PCDH15: variants seen among roughly 807,000 people sequenced by gnomAD.
The protein encoded by PCDH15 is protocadherin related 15.
A neutral mutation model predicts 178.5 loss-of-function variants in PCDH15; 129 were observed. That is an observed-to-expected ratio of 0.72 (90% confidence interval 0.63 to 0.84). PCDH15 has a LOEUF of 0.84. Among genes scored for constraint, PCDH15 ranks in the 40% least tolerant of loss-of-function variants. PCDH15 has a pLI of 0.00. For synonymous variants in PCDH15, 800 were observed against 732.0 expected (o/e 1.09, Z -1.50); for missense variants, 2,230 against 2,099.9 (o/e 1.06, Z -1.21).
chr10:54,783,616 T>G (rs568048684), intron 1 of PCDH15, among the ~76,000 whole-genome samples: 8 of 152,138 alleles, frequency 5.3e-5, no homozygotes, highest in Non-Finnish European at 8.8e-5. Context: ...CAGAGAGATA[T>G]GGACTTCCAG....
intron 2 of PCDH15, among the ~76,000 whole-genome samples, chr10:54,532,558 C>T (rs2084036798): frequency 1.3e-5 from 2 of 152,122 alleles, no homozygotes; most frequent in African/African-American, 4.8e-5. Context: ...GCAGATTTTC[C>T]TGGCACATTT....
At chr10:53,958,837 G>C (rs1008690737) in intron 23 of PCDH15, among the ~76,000 whole-genome samples, 1 of 151,812 alleles carries the variant, frequency 6.6e-6, no homozygotes, top group Non-Finnish European at 1.5e-5. Flanking sequence ...AAATTAGCCA[G>C]GCATGGTGGT....
At chr10:53,955,252 T>C (rs1158125096) in intron 23 of PCDH15, among the ~76,000 whole-genome samples, 2 of 152,108 alleles carry the variant, frequency 1.3e-5, no homozygotes, top group East Asian at 1.9e-4. Context: ...TGAAATAGAG[T>C]GTTGAAGATG....
At chr10:55,522,086 T>A (rs1195920443) in intron 2 of PCDH15, among the ~76,000 whole-genome samples, 2 of 152,060 alleles carry the variant, frequency 1.3e-5, no homozygotes, top group Middle Eastern at 6.8e-3. Context: ...CTGGATCATG[T>A]GGTACTTCTA....
chr10:54,154,838 T>C (rs2044929524), intron 13 of PCDH15, among the ~76,000 whole-genome samples: 1 of 152,142 alleles, frequency 6.6e-6, no homozygotes, highest in Non-Finnish European at 1.5e-5. Context: ...GACATGATTC[T>C]GCGACTTGTA....
At chr10:55,302,874 T>C (rs1843321050) in intron 1 of PCDH15, among the ~76,000 whole-genome samples, 1 of 152,166 alleles carries the variant, frequency 6.6e-6, no homozygotes, top group Admixed American at 6.6e-5. Context: ...CTTGTTTTCA[T>C]GATACAAGTA....
intron 28 of PCDH15, among the ~76,000 whole-genome samples, chr10:53,854,599 C>A (rs1225502634): frequency 6.6e-6 from 1 of 151,952 alleles, no homozygotes; most frequent in East Asian, 1.9e-4. Context: ...GGATCTAAAT[C>A]TCTGTGTCTG....
chr10:53,920,865 CAAG>C (rs1193697703), intron 25 of PCDH15, among the ~76,000 whole-genome samples: 1 of 151,986 alleles, frequency 6.6e-6, no homozygotes, highest in Non-Finnish European at 1.5e-5. Context: ...AAGATTCAAC[CAAG>C]AAGCAATGAA....
intron 2 of PCDH15, among the ~76,000 whole-genome samples, chr10:54,983,078 A>G (rs1023167114): frequency 6.6e-6 from 1 of 152,212 alleles, no homozygotes; most frequent in Admixed American, 6.5e-5. Flanking sequence ...CTGAGTAGGC[A>G]TATATCAAGT....
intron 18 of PCDH15, among the ~76,000 whole-genome samples, chr10:54,036,831 A>G (rs113755007): frequency 7.2e-4 from 110 of 152,094 alleles, no homozygotes; most frequent in Non-Finnish European, 1.4e-3. Flanking sequence ...AGTGAACTAA[A>G]AATCTTATGG....
intron 2 of PCDH15, among the ~76,000 whole-genome samples, chr10:54,998,117 C>T (rs891108510): frequency 6.6e-6 from 1 of 151,888 alleles, no homozygotes; most frequent in Non-Finnish European, 1.5e-5. Flanking sequence ...TTGAAAAAAA[C>T]AATAATTTTG....
intron 3 of PCDH15, among the ~76,000 whole-genome samples, chr10:54,394,118 TA>T (rs1206494482): frequency 1.8e-4 from 27 of 152,144 alleles, no homozygotes; most frequent in African/African-American, 6.0e-4. Flanking sequence ...AACATATAAT[TA>T]TTTTTTCTTA....
chr10:54,478,082 CT>C (rs1188178917), intron 3 of PCDH15, among the ~76,000 whole-genome samples: 1 of 151,936 alleles, frequency 6.6e-6, no homozygotes, highest in Non-Finnish European at 1.5e-5. Flanking sequence ...TCTAGTCGCC[CT>C]AATAATATTT....
intron 2 of PCDH15, among the ~76,000 whole-genome samples, chr10:54,979,071 G>A (rs1045582278): frequency 2.6e-5 from 4 of 152,136 alleles, no homozygotes; most frequent in East Asian, 1.9e-4. Context: ...AGAAACAGGT[G>A]CAGAGAGATT....
intron 2 of PCDH15, among the ~76,000 whole-genome samples, chr10:54,950,835 A>G (rs1838321167): frequency 6.6e-6 from 1 of 151,848 alleles, no homozygotes; most frequent in African/African-American, 2.4e-5. Flanking sequence ...TAGTCAAACT[A>G]TATCTGTTTA....
At chr10:54,339,523 T>C (rs1941839769) in intron 6 of PCDH15, among the ~76,000 whole-genome samples, 1 of 152,142 alleles carries the variant, frequency 6.6e-6, no homozygotes, top group African/African-American at 2.4e-5. Context: ...ATTCAAGTGG[T>C]ACTTAATAAA....
chr10:53,851,733 CACATATAT>C (rs1348313845), intron 28 of PCDH15, among the ~76,000 whole-genome samples: 1 of 135,614 alleles, frequency 7.4e-6, no homozygotes, highest in Non-Finnish European at 1.6e-5. Context: ...TTTACACACA[CACATATAT>C]ACATATATAC....
At chr10:54,639,325 A>G (rs2093938267) in intron 2 of PCDH15, among the ~76,000 whole-genome samples, 1 of 152,148 alleles carries the variant, frequency 6.6e-6, no homozygotes, top group Non-Finnish European at 1.5e-5. Context: ...ATGAGGAGGC[A>G]TACATATTCT....
At chr10:53,939,233 T>G (rs2085842060) in intron 24 of PCDH15, among the ~76,000 whole-genome samples, 1 of 152,090 alleles carries the variant, frequency 6.6e-6, no homozygotes. Context: ...CAATTACATT[T>G]GGGAAACACT....
Sources: gnomAD v4.1 joint callset for allele counts (sites outside exome capture counted in the v4.1 genomes callset) on GRCh38, gnomAD v4.1.1 for gene constraint, MANE v1.5 for transcripts, NCBI Gene and HGNC (gene_info 2026-07-23, HGNC 2026-07-21) for gene names.